WWOX: variants seen among roughly 807,000 people sequenced by gnomAD.
The protein encoded by WWOX is WW domain containing oxidoreductase.
Under a neutral mutation model 46.2 loss-of-function variants are expected in WWOX, and 69 were observed. The ratio of observed to expected loss-of-function variants is 1.49; its 90% CI spans 1.23 to 1.82. The LOEUF is 1.82. Among genes scored for constraint, WWOX ranks in the 40% most tolerant of loss-of-function variants. WWOX has a pLI of 0.00. For missense variants in WWOX, 919 were observed against 542.6 expected, an observed-to-expected ratio of 1.69 and a Z score of -6.89; for synonymous variants, 359 against 202.6, an observed-to-expected ratio of 1.77 and a Z score of -6.56.
intron 8 of WWOX, among the ~76,000 whole-genome samples, chr16:79,010,900 G>A (rs1213358744): frequency 6.6e-6 from 1 of 152,026 alleles, no homozygotes; most frequent in South Asian, 2.1e-4. Context: ...GGCAGACGGG[G>A]TCATGTTGTG....
At chr16:78,358,463 GC>G (rs1210543538) in intron 5 of WWOX, among the ~76,000 whole-genome samples, 1 of 152,118 alleles carries the variant, frequency 6.6e-6, no homozygotes, top group Admixed American at 6.5e-5. Context: ...TTTGAGACCA[GC>G]CTGGCCAACA....
intron 8 of WWOX, among the ~76,000 whole-genome samples, chr16:78,531,007 A>G (rs1226583511): frequency 6.6e-6 from 1 of 152,214 alleles, no homozygotes; most frequent in Non-Finnish European, 1.5e-5. Context: ...TGGAATTTCA[A>G]AGCAATCTAT....
chr16:78,424,489 T>G (rs534976246), intron 6 of WWOX, among the ~76,000 whole-genome samples: 4 of 152,324 alleles, frequency 2.6e-5, no homozygotes, highest in African/African-American at 7.2e-5. Context: ...CTATTTTGAT[T>G]TACAGACAAA....
chr16:78,785,086 T>C (rs1455788532), intron 8 of WWOX, among the ~76,000 whole-genome samples: 2 of 152,160 alleles, frequency 1.3e-5, no homozygotes, highest in African/African-American at 4.8e-5. Context: ...CCAGGGAATA[T>C]ACTAACTGAG....
chr16:78,972,244 C>A (rs1385416187), intron 8 of WWOX, among the ~76,000 whole-genome samples: 1 of 152,104 alleles, frequency 6.6e-6, no homozygotes, highest in South Asian at 2.1e-4. Context: ...AATTTAAATT[C>A]ATGTAATGTT....
intron 5 of WWOX, chr16:78,167,623 C>G (rs1219455211): frequency 6.6e-6 from 1 of 152,160 alleles, no homozygotes; most frequent in Admixed American, 6.5e-5. Flanking sequence ...CATCTTTTCA[C>G]TTGTTCTCTC....
chr16:79,081,777 C>T (rs949901686), intron 8 of WWOX, among the ~76,000 whole-genome samples: 1 of 152,082 alleles, frequency 6.6e-6, no homozygotes, highest in African/African-American at 2.4e-5. Flanking sequence ...GCTGGATGCT[C>T]CTGCCTGGCT....
chr16:78,788,899 G>A (rs1000635558), intron 8 of WWOX, among the ~76,000 whole-genome samples: 1 of 152,214 alleles, frequency 6.6e-6, no homozygotes, highest in Non-Finnish European at 1.5e-5. Context: ...ACTCCCAGCT[G>A]CTGTCCCCTG....
At position 78,911,716 on chromosome 16, in the gene WWOX, A is replaced by G. The variant is rs190444289; in HGVS notation, c.1057-299892A>G. 8.9e-4 allele frequency among the ~76,000 whole-genome samples: 136 copies of G among 152,112 alleles called. 1 individual carries two copies. Among genetic ancestry groups the G allele is most frequent in the Admixed American group, 2.4e-3 (36 of 15,282 alleles). On this transcript the variant is annotated intron_variant, in intron 8 of 8. Transcript: ENST00000566780. ...CCCCATCTCTACTAAAAGTACAAAA[A>G]TTAGCCAGACGTGATGGTGCGTACC...
chr16:78,400,013 G>A (rs1052887531), intron 6 of WWOX, among the ~76,000 whole-genome samples: 1 of 152,188 alleles, frequency 6.6e-6, no homozygotes, highest in Non-Finnish European at 1.5e-5. Flanking sequence ...TCACTGCACT[G>A]TGTTTTTAAT....
chr16:78,947,220 G>T (rs1381903232), intron 8 of WWOX, among the ~76,000 whole-genome samples: 1 of 152,030 alleles, frequency 6.6e-6, no homozygotes, highest in Non-Finnish European at 1.5e-5. Context: ...AATCCAACTG[G>T]AGGCCTGCAA....
intron 5 of WWOX, among the ~76,000 whole-genome samples, chr16:78,236,318 A>G (rs1194549337): frequency 6.6e-6 from 1 of 152,244 alleles, no homozygotes; most frequent in Non-Finnish European, 1.5e-5. Flanking sequence ...CTCCTTATAC[A>G]TACTTACAAA....
rs1158317932 is a variant in WWOX, at chr16:78,174,343, C to T, written c.516+10054C>T. ...AGATCTCTTGAGACTTATTCACTAT[C>T]ATGAGAATAGCATGGGAAAGACCGG... is the stretch of plus-strand genomic sequence containing the variant. On this transcript the variant is annotated intron_variant, in intron 5 of 8. Coordinates refer to ENST00000566780, the MANE Select transcript of WWOX (RefSeq NM_016373.4). 3.3e-5 allele frequency among the ~76,000 whole-genome samples: 5 copies of T among 152,126 alleles called. No individual in the cohort carries two copies. The South Asian group carries it at 6.2e-4, about 19-fold the overall frequency.
chr16:78,531,345 G>A (rs2043616383), intron 8 of WWOX, among the ~76,000 whole-genome samples: 1 of 152,198 alleles, frequency 6.6e-6, no homozygotes, highest in Non-Finnish European at 1.5e-5. Flanking sequence ...AAAGAAGGCA[G>A]TGGAGCCCTT....
intron 5 of WWOX, among the ~76,000 whole-genome samples, chr16:78,190,505 T>C (rs754076311): frequency 2.6e-5 from 4 of 152,182 alleles, no homozygotes. Context: ...GCCTGCTGGG[T>C]ACTGAGTGTC....
intron 8 of WWOX, among the ~76,000 whole-genome samples, chr16:78,675,471 TG>T (rs1434961778): frequency 6.6e-6 from 1 of 152,184 alleles, no homozygotes; most frequent in Non-Finnish European, 1.5e-5. Flanking sequence ...TTATGGGCCT[TG>T]CCATGTTCCA....
chr16:79,190,413 C>T (rs996379780), intron 8 of WWOX, among the ~76,000 whole-genome samples: 1 of 152,210 alleles, frequency 6.6e-6, no homozygotes, highest in Non-Finnish European at 1.5e-5. Flanking sequence ...ATATGAATTC[C>T]AAAGACCACT....
At chr16:79,009,269 C>G (rs2047255240) in intron 8 of WWOX, among the ~76,000 whole-genome samples, 2 of 152,184 alleles carry the variant, frequency 1.3e-5, no homozygotes, top group Non-Finnish European at 2.9e-5. Flanking sequence ...CTTAAAGTTT[C>G]TCCTGCTCTT....
At chr16:78,420,907 G>C (rs1315480997) in intron 6 of WWOX, among the ~76,000 whole-genome samples, 1 of 151,942 alleles carries the variant, frequency 6.6e-6, no homozygotes, top group Non-Finnish European at 1.5e-5. Context: ...CTTTTCGTGG[G>C]GTATGGGGTA....
Sources: allele counts gnomAD v4.1 joint callset (sites outside exome capture counted in the v4.1 genomes callset), GRCh38; gene constraint gnomAD v4.1.1; transcripts MANE v1.5; gene names NCBI Gene and HGNC (gene_info 2026-07-23, HGNC 2026-07-21).